The following PTPRZ1 variants were observed in gnomAD, a reference collection of about 807,000 sequenced individuals.
PTPRZ1 encodes receptor-type tyrosine-protein phosphatase zeta.
In PTPRZ1, 82 loss-of-function variants were observed where a neutral mutation model predicts 214.1. The ratio of observed to expected loss-of-function variants is 0.38; its 90% CI spans 0.32 to 0.46. The LOEUF is 0.46. Among genes scored for constraint, PTPRZ1 ranks in the 20% least tolerant of loss-of-function variants. The pLI, the probability that PTPRZ1 is intolerant of heterozygous loss-of-function variation, is 1.00. For synonymous variants in PTPRZ1, 945 were observed against 987.9 expected (o/e 0.96, Z 0.81); for missense variants, 2,603 against 2,748.7 (o/e 0.95, Z 1.19).
intron 1 of PTPRZ1, among the ~76,000 whole-genome samples, chr7:121,882,502 A>T (rs1042343505): frequency 2.6e-5 from 4 of 152,156 alleles, no homozygotes; most frequent in African/African-American, 9.7e-5. Context: ...GAACGTGGTA[A>T]TTGGAGGGAG....
chr7:122,010,432 T>C lies in PTPRZ1; in HGVS notation c.1386T>C (p.Ser462=), dbSNP rs767979394. 6.2e-7 allele frequency: 1 copy of C among 1,614,058 alleles called. No homozygotes were observed. The highest frequency in any genetic ancestry group is 8.5e-7 in the Non-Finnish European group (1 of 1,179,942). ...TCAGGAAAAAGGAACCCCAGATTTC[T>C]ACCACAACACACTACAATCGCATAG... ...NQIRKKEPQI[S]TTTHYNRIGT... Residue 462 remains serine (S), a synonymous_variant, in exon 12 of 30, where the codon TCT becomes TCC. Coordinates refer to ENST00000393386, the MANE Select transcript of PTPRZ1 (RefSeq NM_002851.3).
chr7:121,882,994 T>C (rs1225890737), intron 1 of PTPRZ1, among the ~76,000 whole-genome samples: 1 of 151,702 alleles, frequency 6.6e-6, no homozygotes, highest in Non-Finnish European at 1.5e-5. Context: ...ACACAGGGAA[T>C]CAGAGAAATA....
At chr7:122,008,722 A>G (rs1798562267) in intron 11 of PTPRZ1, among the ~76,000 whole-genome samples, 1 of 152,088 alleles carries the variant, frequency 6.6e-6, no homozygotes, top group Admixed American at 6.6e-5. Context: ...ATACCAGAAA[A>G]CTAGGCAAAT....
chr7:122,022,311 A>G (rs1799041525), intron 13 of PTPRZ1, among the ~76,000 whole-genome samples: 1 of 152,194 alleles, frequency 6.6e-6, no homozygotes, highest in South Asian at 2.1e-4. Flanking sequence ...GGACAGTTGT[A>G]TATCTTTTTT....
intron 13 of PTPRZ1, among the ~76,000 whole-genome samples, chr7:122,020,632 G>A (rs144576114): frequency 1.2e-3 from 184 of 152,248 alleles, no homozygotes; most frequent in African/African-American, 4.4e-3. Context: ...GGTTGGCTAG[G>A]GTAGAATGTC....
At chr7:121,972,331 A>G (rs1030657481) in intron 3 of PTPRZ1, among the ~76,000 whole-genome samples, 4 of 152,148 alleles carry the variant, frequency 2.6e-5, no homozygotes, top group South Asian at 2.1e-4. Flanking sequence ...ACACTAGTCA[A>G]TATCTTCAGC....
At chr7:122,046,291 C>T (rs1420104162) in intron 23 of PTPRZ1, among the ~76,000 whole-genome samples, 1 of 152,068 alleles carries the variant, frequency 6.6e-6, no homozygotes, top group Non-Finnish European at 1.5e-5. Context: ...GCCTGTAGTC[C>T]TAGCTACTTC....
At chr7:121,944,646 A>G (rs905882125) in intron 2 of PTPRZ1, among the ~76,000 whole-genome samples, 5 of 150,638 alleles carry the variant, frequency 3.3e-5, no homozygotes, top group African/African-American at 1.2e-4. Context: ...TACAGATTAC[A>G]TTTTTTTTTT....
At chr7:121,995,574 T>G (rs1389091973) in intron 8 of PTPRZ1, among the ~76,000 whole-genome samples, 2 of 152,200 alleles carry the variant, frequency 1.3e-5, no homozygotes, top group East Asian at 3.8e-4. Context: ...CTGAATTCAT[T>G]TTAAGAAGTC....
chr7:122,000,846 C>T (rs1005697765), intron 10 of PTPRZ1, among the ~76,000 whole-genome samples: 1 of 150,982 alleles, frequency 6.6e-6, no homozygotes, highest in African/African-American at 2.4e-5. Flanking sequence ...GCCACCACAC[C>T]CAGCTAATTT....
chr7:121,946,447 G>T (rs1195054941), intron 2 of PTPRZ1, among the ~76,000 whole-genome samples: 1 of 152,098 alleles, frequency 6.6e-6, no homozygotes, highest in Non-Finnish European at 1.5e-5. Context: ...CCTAAAAACA[G>T]TTGTCATCAC....
intron 1 of PTPRZ1, among the ~76,000 whole-genome samples, chr7:121,884,239 T>C (rs1794329569): frequency 6.6e-6 from 1 of 152,100 alleles, no homozygotes; most frequent in African/African-American, 2.4e-5. Context: ...TGACATGTAA[T>C]GGTTTATATA....
chr7:121,976,644 C>T, intron 5 of PTPRZ1, 141 bp from the exon 6 acceptor site: 8 of 601,062 alleles, frequency 1.3e-5, no homozygotes, highest in South Asian at 3.4e-5. Context: ...TTGTTTTCAC[C>T]TAGCTATAAA....
chr7:121,895,123 G>C (rs911618131), intron 1 of PTPRZ1, among the ~76,000 whole-genome samples: 1 of 152,042 alleles, frequency 6.6e-6, no homozygotes, highest in Non-Finnish European at 1.5e-5. Flanking sequence ...GCTTTAAAAG[G>C]GTATATTATT....
chr7:121,875,815 T>G (rs1469365148), intron 1 of PTPRZ1, among the ~76,000 whole-genome samples: 2 of 152,220 alleles, frequency 1.3e-5, no homozygotes, highest in Non-Finnish European at 2.9e-5. Flanking sequence ...ATGAAAAAGT[T>G]AGGCTCCATT....
intron 21 of PTPRZ1, 92 bp downstream of exon 21, chr7:122,041,071 T>A: frequency 8.5e-7 from 1 of 1,176,916 alleles, no homozygotes; most frequent in Non-Finnish European, 1.1e-6. Context: ...CAAATGGGAA[T>A]GATTTCTTGA....
chr7:121,880,216 G>T (rs142937427), intron 1 of PTPRZ1, among the ~76,000 whole-genome samples: 12 of 152,294 alleles, frequency 7.9e-5, no homozygotes, highest in Non-Finnish European at 1.6e-4. Context: ...ACTGGTTAAT[G>T]TGAAGTTTTT....
chr7:121,994,338 C>T (rs1274042973), intron 8 of PTPRZ1, among the ~76,000 whole-genome samples: 4 of 123,988 alleles, frequency 3.2e-5, no homozygotes, highest in South Asian at 2.6e-4. Context: ...TCTGTTGCCC[C>T]GGCTGGAGTG....
chr7:121,936,708 G>A (rs535637772), intron 2 of PTPRZ1, among the ~76,000 whole-genome samples: 12 of 152,186 alleles, frequency 7.9e-5, no homozygotes, highest in Non-Finnish European at 1.2e-4. Flanking sequence ...AACCCCATCA[G>A]ATGTTATCTT....
Sources: allele counts gnomAD v4.1 joint callset (sites outside exome capture counted in the v4.1 genomes callset), GRCh38; gene constraint gnomAD v4.1.1; transcripts MANE v1.5; gene names NCBI Gene and HGNC (gene_info 2026-07-23, HGNC 2026-07-21).